Variants in IQCF5 observed in about 807,000 individuals in gnomAD.
The protein encoded by IQCF5 is IQ motif containing F5, also known as IQ domain-containing protein F5.
IQCF5 carries 2 observed loss-of-function variants against 3.4 expected under a neutral mutation model. The ratio of observed to expected loss-of-function variants is 0.58; its 90% confidence interval spans 0.24 to 1.84. IQCF5 has a LOEUF of 1.84. Among genes scored for constraint, IQCF5 ranks in the 40% most tolerant of loss-of-function variants. The pLI is 0.17. For missense variants in IQCF5, 167 were observed against 191.6 expected (o/e 0.87, Z 0.76); for synonymous variants, 58 against 64.7 (o/e 0.90, Z 0.49).
At chr3:51,875,245 G>A in intron 1 of IQCF5, 1 of 465,418 alleles carries the variant, frequency 2.1e-6, no homozygotes, top group Non-Finnish European at 3.9e-6. Context: ...ATTTAAAACA[G>A]CTTGCCATCC....
chr3:51,874,682 G>A (rs560352580), intron 1 of IQCF5: 22 of 351,864 alleles, frequency 6.3e-5, no homozygotes, highest in South Asian at 2.8e-4. Flanking sequence ...AGCTATGCAT[G>A]CATCTGTACA....
intron 1 of IQCF5, 98 bp downstream of exon 1, chr3:51,875,430 C>A (rs1311660184): frequency 5.3e-6 from 7 of 1,317,434 alleles, no homozygotes; most frequent in Non-Finnish European, 7.5e-6. Context: ...AACTTACTCT[C>A]CCCTCAGAAA....
chr3:51,874,357 C>G (rs1698774844), intron 1 of IQCF5, 182 bp from the exon 2 acceptor site: 1 of 719,372 alleles, frequency 1.4e-6, no homozygotes, highest in South Asian at 1.5e-5. Flanking sequence ...CACTTGACCT[C>G]TGAGTTTCAA....
At position 51,873,921 on chromosome 3, in the gene IQCF5, A is replaced by G; in HGVS notation, c.259T>C (p.Tyr87His). ...CGGACAGCGTTGAGCAAACGACAGTAACGCTGGCGGACACACCACATGCGG... is the reference window on the plus strand; with the variant it reads ...CGGACAGCGTTGAGCAAACGACAGTGACGCTGGCGGACACACCACATGCGG... ...WVRMWCVRQR[Y>H]CRLLNAVRII... Residue 87 changes from tyrosine to histidine, a missense_variant, in exon 2 of 2, where the codon TAC (tyrosine) becomes CAC (histidine). Physicochemically the swap from Tyr to His is moderately conservative, Grantham distance 83 (BLOSUM62 2). Transcript: ENST00000446461. 6.4e-7 allele frequency: 1 copy of G among 1,551,844 alleles called. No homozygotes were observed.
At chr3:51,875,304 G>A (rs1263402566) in intron 1 of IQCF5, 2 of 600,664 alleles carry the variant, frequency 3.3e-6, no homozygotes, top group East Asian at 5.6e-5. Flanking sequence ...AGTGAAAGGT[G>A]CTCTCCCACT....
In IQCF5 at chr3:51,874,128, T is replaced by G. The variant is rs561993096; in HGVS notation, c.52A>C (p.Ile18Leu). 3.0e-4 allele frequency: 464 copies of G among 1,552,178 alleles called. No homozygotes were observed. The highest frequency in any genetic ancestry group is 3.9e-4 in the Non-Finnish European group (453 of 1,147,200). The change falls in exon 2 of 2, where the codon ATC becomes CTC. Residue 18 changes from isoleucine (I) to leucine (L), a missense_variant. Physicochemically the swap from Ile to Leu is conservative, Grantham distance 5. Coordinates refer to ENST00000446461, the MANE Select transcript of IQCF5 (RefSeq NM_001145059.2). Reference sequence around the variant, plus strand: ...AGCATGCCCCGCCACCAGGCCTGGATGAAAACAGCTGCAGACCTTTCTGTC... The same window carrying G: ...AGCATGCCCCGCCACCAGGCCTGGAGGAAAACAGCTGCAGACCTTTCTGTC... ...IMTERSAAVF[I>L]QAWWRGMLVR...
chr3:51,874,167 C>T lies in IQCF5; in HGVS notation c.13G>A (p.Glu5Lys), dbSNP rs1698771559. The T allele has an allele frequency of 3.9e-6, 6 of 1,550,222 alleles. No individual in the cohort carries two copies. The highest frequency in any genetic ancestry group is 1.2e-5 in the South Asian group (1 of 83,976). Residue 5 changes from glutamate to lysine, a missense_variant, in exon 2 of 2, where the codon GAG becomes AAG. Glu to Lys is a moderately conservative substitution (Grantham distance 56). Coordinates refer to ENST00000446461, the MANE Select transcript of IQCF5 (RefSeq NM_001145059.2). ...GACCTTTCTGTCATGATGGTCTTCT[C>T]TTCTGGGCCTTACAAGAGAAAACAG... MGPEEKTIMTERSAA... is the reference protein window; with the variant it reads MGPEKKTIMTERSAA...
At chr3:51,874,219 G>A (rs1698772300) in intron 1 of IQCF5, 44 bp from the exon 2 acceptor site, 3 of 1,518,542 alleles carry the variant, frequency 2.0e-6, no homozygotes, top group Non-Finnish European at 2.7e-6. Flanking sequence ...CTAGGAAGGG[G>A]CCCTGATCCT....
Position 51,873,892 on chromosome 3 carries a change from G to C in IQCF5, c.288C>G (p.Ile96Met). 2 of 1,551,794 alleles carry C rather than the reference G, an allele frequency of 1.3e-6. No homozygotes were observed. Among genetic ancestry groups the C allele is most frequent in the Non-Finnish European group, 1.7e-6 (2 of 1,147,016 alleles). ...RYCRLLNAVRIIQVYWRWHSC... is the reference protein window; with the variant it reads ...RYCRLLNAVRMIQVYWRWHSC... The stretch of plus-strand genomic sequence containing the variant: ...TGTGCCAGCGCCAATAGACCTGGAT[G>C]ATGCGGACAGCGTTGAGCAAACGAC... The change falls in exon 2 of 2, where the codon ATC (isoleucine) becomes ATG (methionine). Residue 96 changes from isoleucine (I) to methionine (M), a missense_variant. Transcript: ENST00000446461.
intron 1 of IQCF5, chr3:51,874,986 T>C (rs1354352756): frequency 5.8e-6 from 1 of 173,770 alleles, no homozygotes; most frequent in Non-Finnish European, 1.2e-5. Context: ...GGTGCCTGTT[T>C]CCCTCACTGA....
intron 1 of IQCF5, 106 bp from the exon 2 acceptor site, chr3:51,874,281 C>T (rs1698773779): frequency 1.7e-6 from 2 of 1,177,674 alleles, no homozygotes; most frequent in East Asian, 2.5e-5. Flanking sequence ...AGGGCAACAG[C>T]TGAACCCAGG....
rs1261130400 is a variant in IQCF5 at position 51,874,393 on chromosome 3, C to T, written c.5-218G>A. On this transcript the variant is annotated intron_variant, in intron 1 of 1. Coordinates refer to ENST00000446461, the MANE Select transcript of IQCF5 (RefSeq NM_001145059.2). Reference sequence around the variant, plus strand: ...TGTCCCCATCTGCAAAATAGGTGTACATCTGCCCTAGCTACCTCATTCCAT... The same window carrying T: ...TGTCCCCATCTGCAAAATAGGTGTATATCTGCCCTAGCTACCTCATTCCAT... 5 of 694,538 alleles carry T rather than the reference C, an allele frequency of 7.2e-6. No homozygotes were observed. The Admixed American group carries it at 1.0e-4, about 14-fold the overall frequency. 43.0% of individuals were successfully genotyped at this position (694,538 alleles called of 1,614,324 possible).
chr3:51,873,784 G>C lies in IQCF5; in HGVS notation c.396C>G (p.Gly132=). Residue 132 remains glycine (G), a synonymous_variant, in exon 2 of 2, where the codon GGC becomes GGG. Transcript: ENST00000446461. ...ATTGTTGCACCTTACAAGCCTGTAA[G>C]CCCAAAGAGATTTCAAGTTGAATAT... The part of the protein sequence containing the change: ...QLNIQLEISL[G]LQACKVQQCI... 6.4e-7 allele frequency: 1 copy of C among 1,551,716 alleles called. No homozygotes were observed. Among genetic ancestry groups the C allele is most frequent in the Non-Finnish European group, 8.7e-7 (1 of 1,146,988 alleles).
intron 1 of IQCF5, chr3:51,874,590 A>G (rs554118928): frequency 7.1e-5 from 27 of 380,444 alleles, no homozygotes; most frequent in South Asian, 5.4e-4. Context: ...AGTCAAACCC[A>G]CAAGCTGCTG....
rs554537937 is a variant in IQCF5, at chr3:51,874,433, G to A, written c.5-258C>T. On this transcript the variant is annotated intron_variant, in intron 1 of 1. Coordinates refer to ENST00000446461, the MANE Select transcript of IQCF5 (RefSeq NM_001145059.2). ...CCTCATTCCATTTTCCATGGACCTT[G>A]CTGGCCAGTCTAGAGCAAGAACACT... The A allele has an allele frequency of 5.7e-5, 37 of 651,408 alleles. No individual in the cohort carries two copies. The East Asian group carries it at 1.1e-3, about 19-fold the overall frequency. The allele number at this position is 651,408 out of a possible 1,614,324, so 40.4% of individuals were successfully genotyped here. A position where few individuals can be genotyped will look rare whatever the true frequency, so the allele number is the denominator to read the frequency against.
Position 51,875,556 on chromosome 3 carries a change from A to G in IQCF5, c.-25T>C. ...TGGTTAGGGGCTAGATGGTCCCATC[A>G]CCCTCCGGCCCGCACTCCTCCGATC... On this transcript the variant is annotated 5_prime_UTR_variant, in exon 1 of 2. Transcript: ENST00000446461. 6.4e-7 allele frequency: 1 copy of G among 1,551,862 alleles called. No homozygotes were observed. The highest frequency in any genetic ancestry group is 1.2e-5 in the South Asian group (1 of 84,050).
rs1698784018 is a variant in IQCF5, at chr3:51,875,269, G to C, written c.4+259C>G. The C allele has an allele frequency of 3.7e-6, 2 of 547,298 alleles. 1 individual carries two copies. The highest frequency in any genetic ancestry group is 6.6e-6 in the Non-Finnish European group (2 of 303,914). 33.9% of individuals were successfully genotyped at this position (547,298 alleles called of 1,614,324 possible). On this transcript the variant is annotated intron_variant, in intron 1 of 1. Coordinates refer to ENST00000446461, the MANE Select transcript of IQCF5 (RefSeq NM_001145059.2). Reference sequence around the variant, plus strand: ...AGCTTGCCATCCTTCTGGAATCAGAGTGTATGGGGGGAAATAGGGAAGAAA... The same window carrying C: ...AGCTTGCCATCCTTCTGGAATCAGACTGTATGGGGGGAAATAGGGAAGAAA...
chr3:51,875,415 TG>T, intron 1 of IQCF5, 112 bp downstream of exon 1: 1 of 1,144,730 alleles, frequency 8.7e-7, no homozygotes, highest in Non-Finnish European at 1.3e-6. Context: ...TGAGTAACTG[TG>T]GGGAACTTAC....
At chr3:51,874,754 C>T in intron 1 of IQCF5, 1 of 281,930 alleles carries the variant, frequency 3.5e-6, no homozygotes, top group Non-Finnish European at 7.0e-6. Flanking sequence ...CCCCACAGTC[C>T]CCACTTGCAG....
Sources: gnomAD v4.1 joint callset for allele counts on GRCh38, gnomAD v4.1.1 for gene constraint, MANE v1.5 for transcripts, NCBI Gene and HGNC (gene_info 2026-07-23, HGNC 2026-07-21) for gene names.